RALGAPA1: variants seen among roughly 807,000 people sequenced by gnomAD.
The protein encoded by RALGAPA1 is ral GTPase-activating protein subunit alpha-1.
A neutral mutation model predicts 269.6 loss-of-function variants in RALGAPA1; 52 were observed. That is an observed-to-expected ratio of 0.19 (90% confidence interval 0.15 to 0.24). RALGAPA1 has a LOEUF of 0.24. Among genes scored for constraint, RALGAPA1 ranks in the 10% least tolerant of loss-of-function variants. The pLI is 1.00. For synonymous variants in RALGAPA1, 817 were observed against 1,008.3 expected, an observed-to-expected ratio of 0.81 and a Z score of 3.60; for missense variants, 1,917 against 3,013.9, an observed-to-expected ratio of 0.64 and a Z score of 8.52.
chr14:35,592,050 C>CAG (rs2058672352), intron 37 of RALGAPA1, among the ~76,000 whole-genome samples: 1 of 152,166 alleles, frequency 6.6e-6, no homozygotes, highest in South Asian at 2.1e-4. Flanking sequence ...GTCAATTACA[C>CAG]CTCTTTTGTT....
chr14:35,795,671 A>T (rs1172207246), intron 1 of RALGAPA1, among the ~76,000 whole-genome samples: 3 of 152,162 alleles, frequency 2.0e-5, no homozygotes, highest in Non-Finnish European at 4.4e-5. Context: ...TATCCCGGAA[A>T]AAAGCTCAAG....
At chr14:35,726,242 A>T (rs1227142757) in intron 13 of RALGAPA1, among the ~76,000 whole-genome samples, 1 of 152,208 alleles carries the variant, frequency 6.6e-6, no homozygotes, top group Non-Finnish European at 1.5e-5. Context: ...TACATTAAAA[A>T]TATCCTGGAC....
At chr14:35,772,228 A>G (rs2074688984) in intron 3 of RALGAPA1, among the ~76,000 whole-genome samples, 1 of 151,942 alleles carries the variant, frequency 6.6e-6, no homozygotes, top group African/African-American at 2.4e-5. Flanking sequence ...AATTTTTTTT[A>G]CTATTTTTGT....
intron 31 of RALGAPA1, among the ~76,000 whole-genome samples, chr14:35,640,281 T>C (rs1438320885): frequency 6.6e-6 from 1 of 151,124 alleles, no homozygotes; most frequent in Admixed American, 6.6e-5. Flanking sequence ...AAAAGATCAA[T>C]GAAATGAAAA....
intron 12 of RALGAPA1, among the ~76,000 whole-genome samples, chr14:35,738,145 A>C (rs1351240352): frequency 1.3e-5 from 2 of 152,152 alleles, no homozygotes; most frequent in Non-Finnish European, 2.9e-5. Context: ...AACTGGAAAC[A>C]AAAGACCATC....
At chr14:35,751,057 T>C (rs530533471) in intron 8 of RALGAPA1, among the ~76,000 whole-genome samples, 1 of 152,314 alleles carries the variant, frequency 6.6e-6, no homozygotes, top group South Asian at 2.1e-4. Context: ...TACCTGAGCC[T>C]GTTAGTTGCC....
intron 3 of RALGAPA1, among the ~76,000 whole-genome samples, chr14:35,772,732 A>G (rs2074726806): frequency 6.6e-6 from 1 of 152,226 alleles, no homozygotes; most frequent in South Asian, 2.1e-4. Context: ...CATTCAACAA[A>G]TGAAGAAATG....
intron 39 of RALGAPA1, among the ~76,000 whole-genome samples, chr14:35,560,945 C>T (rs1200653861): frequency 2.0e-5 from 3 of 152,074 alleles, no homozygotes; most frequent in African/African-American, 4.8e-5. Context: ...AATACGGTAA[C>T]ATCGCAGGGC....
chr14:35,780,611 A>C (rs2075362149), intron 1 of RALGAPA1, among the ~76,000 whole-genome samples: 1 of 152,246 alleles, frequency 6.6e-6, no homozygotes, highest in Non-Finnish European at 1.5e-5. Context: ...ACACAACTAA[A>C]TAACCAATTG....
chr14:35,782,960 T>C (rs2075556157), intron 1 of RALGAPA1, among the ~76,000 whole-genome samples: 1 of 151,918 alleles, frequency 6.6e-6, no homozygotes. Flanking sequence ...TCACTGGGAC[T>C]ACAAGTTTAT....
chr14:35,555,157 T>C lies in RALGAPA1; in HGVS notation c.7497-5923A>G, dbSNP rs2281995. 3.4e-4 allele frequency among the ~76,000 whole-genome samples: 52 copies of C among 152,304 alleles called. 1 individual carries two copies. The East Asian group carries it at 9.4e-3, about 28-fold the overall frequency. On this transcript the variant is annotated intron_variant, in intron 39 of 41. Transcript: ENST00000680220. ...GTAAATAAAGCACAATGTATAAATA[T>C]GTAAAGTATTACATTAAGAGAAAAG...
intron 31 of RALGAPA1, among the ~76,000 whole-genome samples, chr14:35,650,411 T>TA (rs1324597192): frequency 1.3e-5 from 2 of 151,022 alleles, no homozygotes; most frequent in Admixed American, 6.6e-5. Context: ...AAATTTAAAA[T>TA]AAAAAAAATA....
intron 31 of RALGAPA1, 145 bp from the exon 32 acceptor site, chr14:35,635,743 C>A: frequency 1.6e-6 from 1 of 630,282 alleles, no homozygotes; most frequent in South Asian, 5.4e-5. Context: ...CCAGATCTAA[C>A]TGATTTTAAG....
At chr14:35,574,328 T>C (rs1384392716) in intron 37 of RALGAPA1, among the ~76,000 whole-genome samples, 3 of 152,212 alleles carry the variant, frequency 2.0e-5, no homozygotes, top group Non-Finnish European at 4.4e-5. Context: ...AGGGCAAGTA[T>C]ACTTTTATTT....
intron 35 of RALGAPA1, among the ~76,000 whole-genome samples, chr14:35,609,473 AAG>A (rs776161186): frequency 1.3e-5 from 2 of 152,198 alleles, no homozygotes; most frequent in African/African-American, 2.4e-5. Flanking sequence ...TGAAAATAAA[AAG>A]AGAGAATGAA....
intron 16 of RALGAPA1, among the ~76,000 whole-genome samples, chr14:35,701,318 AAT>A (rs1408436969): frequency 2.0e-5 from 3 of 152,192 alleles, no homozygotes; most frequent in Non-Finnish European, 2.9e-5. Flanking sequence ...TGGCAAAATA[AAT>A]AGTTTGAATA....
At chr14:35,703,681 CACTT>C (rs1489926348) in intron 16 of RALGAPA1, among the ~76,000 whole-genome samples, 4 of 151,728 alleles carry the variant, frequency 2.6e-5, no homozygotes, top group Admixed American at 6.6e-5. Flanking sequence ...CTAACCTAAA[CACTT>C]AGTTACTGAC....
At chr14:35,690,933 GT>G (rs1263453158) in intron 17 of RALGAPA1, among the ~76,000 whole-genome samples, 1 of 152,046 alleles carries the variant, frequency 6.6e-6, no homozygotes, top group African/African-American at 2.4e-5. Context: ...GCCGGGCGTG[GT>G]GGTGCATGCC....
rs926920767 is a variant in RALGAPA1 at position 35,654,579 on chromosome 14, A to G, written c.5497-102T>C. 1.1e-5 allele frequency: 14 copies of G among 1,313,574 alleles called. No homozygotes were observed. In the Middle Eastern group the frequency reaches 7.1e-4, roughly 67 times the overall value. The allele number at this position is 1,313,574 out of a possible 1,614,324, so 81.4% of individuals were successfully genotyped here. A position where few individuals can be genotyped will look rare whatever the true frequency, so the allele number is the denominator to read the frequency against. ...ACATTTCATACATTTGTAGGATTATAAATCCTACATTTATAGGTGATTAAG... is the reference window on the plus strand; with the variant it reads ...ACATTTCATACATTTGTAGGATTATGAATCCTACATTTATAGGTGATTAAG... On this transcript the variant is annotated intron_variant, in intron 29 of 41. Transcript: ENST00000680220.
Sources: gnomAD v4.1 joint callset for allele counts (sites outside exome capture counted in the v4.1 genomes callset) on GRCh38, gnomAD v4.1.1 for gene constraint, MANE v1.5 for transcripts, NCBI Gene and HGNC (gene_info 2026-07-23, HGNC 2026-07-21) for gene names.